The following AMMECR1 variants were observed in gnomAD, a reference collection of about 807,000 sequenced individuals.
The protein encoded by AMMECR1 is nuclear protein AMMECR1.
In AMMECR1, 3 loss-of-function variants were observed where a neutral mutation model predicts 22.5. That is an observed-to-expected ratio of 0.13 (90% CI 0.06 to 0.35). The LOEUF is 0.35. AMMECR1 is among the 10% of genes least tolerant of loss of function. AMMECR1 has a pLI of 1.00. For synonymous variants in AMMECR1, 130 were observed against 116.7 expected, an observed-to-expected ratio of 1.11 and a Z score of -0.74; for missense variants, 235 against 278.7, an observed-to-expected ratio of 0.84 and a Z score of 1.12.
chrX:110,352,505 T>A (rs1449588342), intron 2 of AMMECR1, among the ~76,000 whole-genome samples: 1 of 112,173 alleles, frequency 8.9e-6, no homozygotes, highest in Non-Finnish European at 1.9e-5. Flanking sequence ...ATATCTATAT[T>A]GGCAGGAAGT....
intron 2 of AMMECR1, among the ~76,000 whole-genome samples, chrX:110,347,199 A>G (rs989581968): frequency 2.6e-5 from 3 of 113,407 alleles, no homozygotes; most frequent in Non-Finnish European, 5.6e-5. Flanking sequence ...GAATTCATAA[A>G]AACTGCCACT....
At chrX:110,214,137 C>T (rs945183169) in intron 3 of AMMECR1, among the ~76,000 whole-genome samples, 20 of 110,136 alleles carry the variant, frequency 1.8e-4, no homozygotes, top group Non-Finnish European at 3.2e-4. Flanking sequence ...GTGGTGGGCG[C>T]CTGTAGTCCC....
chrX:110,272,171 G>A (rs181620503), intron 1 of AMMECR1, among the ~76,000 whole-genome samples: 17 of 110,324 alleles, frequency 1.5e-4, no homozygotes, highest in African/African-American at 3.9e-4. Context: ...AGCCAAGATC[G>A]GGCCACTGCA....
rs1169494549 is a variant in AMMECR1 at position 110,194,304 on chromosome X, TTC to T, written c.*4214_*4215del. On this transcript the variant is annotated 3_prime_UTR_variant, in exon 6 of 6. Transcript: ENST00000262844. Reference sequence around the variant, plus strand: ...ACCCACATAAACCTTCTCATATTTTTTCTTTTTGCTCATATTTAATATTGTAA... The same window carrying T: ...ACCCACATAAACCTTCTCATATTTTTTTTTTGCTCATATTTAATATTGTAA... 2 of 112,258 alleles carry T rather than the reference TTC, an allele frequency of 1.8e-5. No individual in the cohort carries two copies. Among genetic ancestry groups the T allele is most frequent in the Non-Finnish European group, 3.8e-5 (2 of 53,257 alleles). 9.3% of individuals were successfully genotyped at this position (112,258 alleles called of 1,213,427 possible). A position where few individuals can be genotyped will look rare whatever the true frequency, so the allele number is the denominator to read the frequency against.
chrX:110,431,153 G>T (rs990014260), intron 1 of AMMECR1, among the ~76,000 whole-genome samples: 1 of 111,997 alleles, frequency 8.9e-6, no homozygotes, highest in Non-Finnish European at 1.9e-5. Flanking sequence ...AATAATTTGT[G>T]AACTCTCAGT....
At chrX:110,428,113 C>A (rs1181406462) in intron 1 of AMMECR1, among the ~76,000 whole-genome samples, 1 of 112,336 alleles carries the variant, frequency 8.9e-6, no homozygotes, top group Admixed American at 9.4e-5. Flanking sequence ...CCACCTGGCA[C>A]ACAGTAGATG....
At chrX:110,324,790 T>A (rs2068091916) in intron 2 of AMMECR1, among the ~76,000 whole-genome samples, 1 of 110,871 alleles carries the variant, frequency 9.0e-6, no homozygotes, top group Admixed American at 9.6e-5. Flanking sequence ...AAATTAATAC[T>A]TTACATTAAT....
intron 1 of AMMECR1, among the ~76,000 whole-genome samples, chrX:110,295,731 A>G (rs769425964): frequency 8.9e-6 from 1 of 111,821 alleles, no homozygotes; most frequent in Admixed American, 9.5e-5. Flanking sequence ...GGCTGCCTTA[A>G]GAATTACAAT....
At chrX:110,300,117 A>G (rs1345161059) in intron 1 of AMMECR1, among the ~76,000 whole-genome samples, 1 of 112,211 alleles carries the variant, frequency 8.9e-6, no homozygotes, top group Non-Finnish European at 1.9e-5. Context: ...TGTTTTCCAT[A>G]ATGGCTATGC....
chrX:110,369,932 G>A (rs1298170802), intron 2 of AMMECR1, among the ~76,000 whole-genome samples: 1 of 111,035 alleles, frequency 9.0e-6, no homozygotes, highest in Admixed American at 9.6e-5. Context: ...TGACACTTGT[G>A]TGCGTGTGTA....
chrX:110,304,827 C>T (rs1413200444), intron 1 of AMMECR1, among the ~76,000 whole-genome samples: 1 of 112,141 alleles, frequency 8.9e-6, no homozygotes, highest in Non-Finnish European at 1.9e-5. Context: ...CCACTTCAAC[C>T]TACTTTTGAT....
intron 2 of AMMECR1, among the ~76,000 whole-genome samples, chrX:110,241,525 C>T (rs2067632524): frequency 9.0e-6 from 1 of 111,572 alleles, no homozygotes; most frequent in South Asian, 3.8e-4. Flanking sequence ...CCGCCCAAAA[C>T]TGGAAACCAT....
intron 2 of AMMECR1, among the ~76,000 whole-genome samples, chrX:110,409,647 T>C (rs1162205107): frequency 2.4e-5 from 2 of 84,489 alleles, no homozygotes; most frequent in African/African-American, 8.9e-5. Flanking sequence ...GCTGCTGCTG[T>C]TTTTTTTTTT....
intron 2 of AMMECR1, among the ~76,000 whole-genome samples, chrX:110,373,650 G>C (rs1464494453): frequency 3.6e-5 from 4 of 112,248 alleles, no homozygotes; most frequent in Non-Finnish European, 7.5e-5. Flanking sequence ...AATCTGAAAG[G>C]ACTTTATTTT....
intron 2 of AMMECR1, among the ~76,000 whole-genome samples, chrX:110,243,840 A>G (rs2067645221): frequency 8.9e-6 from 1 of 111,868 alleles, no homozygotes; most frequent in Non-Finnish European, 1.9e-5. Flanking sequence ...TACAATGTAT[A>G]ATAATGTATT....
intron 3 of AMMECR1, among the ~76,000 whole-genome samples, chrX:110,212,109 C>G (rs2067450587): frequency 8.9e-6 from 1 of 111,821 alleles, no homozygotes; most frequent in African/African-American, 3.3e-5. Context: ...TAAAGTAAAT[C>G]CTACTTTCCT....
chrX:110,301,621 C>A (rs1487731631), intron 1 of AMMECR1, among the ~76,000 whole-genome samples: 1 of 111,319 alleles, frequency 9.0e-6, no homozygotes, highest in Non-Finnish European at 1.9e-5. Context: ...GTCTAGAGTC[C>A]AAGGATAGAT....
chrX:110,304,852 C>G, intron 1 of AMMECR1, among the ~76,000 whole-genome samples: 1 of 112,021 alleles, frequency 8.9e-6, no homozygotes, highest in Non-Finnish European at 1.9e-5. Flanking sequence ...ACCCACTGAC[C>G]ACTGTATAAT....
intron 2 of AMMECR1, among the ~76,000 whole-genome samples, chrX:110,417,752 C>T (rs1326641673): frequency 2.7e-5 from 3 of 112,461 alleles, no homozygotes; most frequent in Non-Finnish European, 5.6e-5. Flanking sequence ...TTACTGAGCT[C>T]TGGAGGCCAA....
Sources: gnomAD v4.1 joint callset for allele counts (sites outside exome capture counted in the v4.1 genomes callset) on GRCh38, gnomAD v4.1.1 for gene constraint, MANE v1.5 for transcripts, NCBI Gene and HGNC (gene_info 2026-07-23, HGNC 2026-07-21) for gene names.